Variants in RBM19 observed in about 807,000 individuals in gnomAD.
The protein encoded by RBM19 is RNA binding motif protein 19.
RBM19 carries 94 observed loss-of-function variants against 116.8 expected under a neutral mutation model. The observed-to-expected ratio is 0.80, with a 90% CI of 0.68 to 0.95. RBM19 has a LOEUF of 0.95. RBM19 is among the 40% of genes least tolerant of loss of function. RBM19 has a pLI of 0.00. For synonymous variants in RBM19, 475 were observed against 494.1 expected (o/e 0.96, Z 0.51); for missense variants, 1,161 against 1,220.7 (o/e 0.95, Z 0.73).
chr12:113,919,700 G>C (rs1048035043), intron 19 of RBM19, among the ~76,000 whole-genome samples: 7 of 152,134 alleles, frequency 4.6e-5, no homozygotes, highest in African/African-American at 1.4e-4. Flanking sequence ...TTGTACTTAG[G>C]ATCCAGCAGG....
In RBM19 at chr12:113,950,077, C is replaced by T. The variant is rs759438442; in HGVS notation, c.1072+6G>A. ...CAGAGAGAGCACATGGCCAGGGCTT[C>T]CTTACCCATGTACTCCCGGTTGCAT... On this transcript the variant is annotated splice_donor_region_variant and intron_variant, in intron 9 of 23. Coordinates refer to ENST00000261741, the MANE Select transcript of RBM19 (RefSeq NM_016196.4). 1 of 1,597,046 alleles carries T rather than the reference C, an allele frequency of 6.3e-7. No homozygotes were observed. The highest frequency in any genetic ancestry group is 2.2e-5 in the East Asian group (1 of 44,804).
At chr12:113,890,378 G>T (rs970388989) in intron 21 of RBM19, among the ~76,000 whole-genome samples, 6 of 152,126 alleles carry the variant, frequency 3.9e-5, no homozygotes, top group African/African-American at 1.4e-4. Context: ...GGGTGGGCTG[G>T]AATATTATTC....
At chr12:113,861,572 G>C (rs1358124342) in intron 21 of RBM19, among the ~76,000 whole-genome samples, 1 of 151,114 alleles carries the variant, frequency 6.6e-6, no homozygotes, top group Non-Finnish European at 1.5e-5. Flanking sequence ...AGGAGAGAAA[G>C]AGAGAGAGAG....
chr12:113,850,533 G>C (rs1877364790), intron 22 of RBM19, among the ~76,000 whole-genome samples: 1 of 152,214 alleles, frequency 6.6e-6, no homozygotes, highest in South Asian at 2.1e-4. Context: ...GGCCCAGCCT[G>C]GTGGCCTCTT....
chr12:113,852,850 G>A (rs1379198083), intron 22 of RBM19, among the ~76,000 whole-genome samples: 1 of 152,236 alleles, frequency 6.6e-6, no homozygotes, highest in Non-Finnish European at 1.5e-5. Context: ...CGTGCAGCAC[G>A]TTCCTCCTCT....
At chr12:113,959,985 C>T (rs368687413) in intron 3 of RBM19, 74 bp downstream of exon 3, 1 of 1,613,638 alleles carries the variant, frequency 6.2e-7, no homozygotes, top group Non-Finnish European at 8.5e-7. Context: ...TGGGAGGGCC[C>T]ATCTTTGGGA....
At chr12:113,927,016 T>G in intron 17 of RBM19, 38 bp downstream of exon 17, 1 of 1,592,996 alleles carries the variant, frequency 6.3e-7, no homozygotes, top group Non-Finnish European at 8.6e-7. Flanking sequence ...GGGTTTCCCA[T>G]CCCACGCCCC....
At chr12:113,909,515 C>A (rs1049368656) in intron 21 of RBM19, among the ~76,000 whole-genome samples, 3 of 152,150 alleles carry the variant, frequency 2.0e-5, no homozygotes, top group African/African-American at 7.2e-5. Flanking sequence ...TCACAAATGT[C>A]CACCTGACTC....
At chr12:113,936,874 A>G (rs1488474250) in intron 16 of RBM19, 133 bp downstream of exon 16, 16 of 1,201,024 alleles carry the variant, frequency 1.3e-5, no homozygotes, top group Non-Finnish European at 1.5e-5. Flanking sequence ...TGAGAGTCTG[A>G]GCCCTGCTGG....
At chr12:113,964,166 TTCC>T (rs1280309927) in intron 1 of RBM19, among the ~76,000 whole-genome samples, 1 of 152,220 alleles carries the variant, frequency 6.6e-6, no homozygotes, top group African/African-American at 2.4e-5. Context: ...TACTAATTAT[TTCC>T]TCAATTCAAT....
chr12:113,939,173 G>C (rs1288164879), intron 15 of RBM19, among the ~76,000 whole-genome samples: 4 of 152,126 alleles, frequency 2.6e-5, no homozygotes, highest in African/African-American at 9.7e-5. Context: ...AGGCGTGGTG[G>C]TGCATGCCTG....
chr12:113,881,830 CT>C, intron 21 of RBM19, among the ~76,000 whole-genome samples: 1 of 152,248 alleles, frequency 6.6e-6, no homozygotes, highest in East Asian at 1.9e-4. Context: ...GCAACACCAA[CT>C]CTTGGAAAGA....
intron 2 of RBM19, 43 bp from the exon 3 acceptor site, chr12:113,960,221 C>G (rs1378593532): frequency 1.9e-6 from 3 of 1,611,806 alleles, no homozygotes; most frequent in Non-Finnish European, 8.5e-7. Flanking sequence ...CCATGGCACC[C>G]AGGCGTTGGG....
intron 15 of RBM19, 112 bp downstream of exon 15, chr12:113,939,848 G>C: frequency 5.1e-6 from 6 of 1,173,616 alleles, no homozygotes; most frequent in Non-Finnish European, 7.3e-6. Context: ...GGCGGTTTAG[G>C]GTGAGCTCCC....
chr12:113,866,208 G>T (rs1302970666), intron 21 of RBM19, among the ~76,000 whole-genome samples: 1 of 152,108 alleles, frequency 6.6e-6, no homozygotes, highest in African/African-American at 2.4e-5. Context: ...GCTCATCATG[G>T]TGAGAGCCAG....
intron 21 of RBM19, among the ~76,000 whole-genome samples, chr12:113,911,058 G>A (rs111863476): frequency 6.6e-6 from 1 of 152,216 alleles, no homozygotes; most frequent in African/African-American, 2.4e-5. Context: ...TGGCGGTGGG[G>A]GGGGTGGGAA....
intron 23 of RBM19, among the ~76,000 whole-genome samples, chr12:113,826,953 T>C (rs1327451855): frequency 6.6e-6 from 1 of 152,208 alleles, no homozygotes; most frequent in Admixed American, 6.5e-5. Flanking sequence ...TCCGTGCTCC[T>C]GGGCCTGGCA....
intron 22 of RBM19, among the ~76,000 whole-genome samples, chr12:113,846,866 C>T (rs1565971918): frequency 6.6e-6 from 1 of 152,174 alleles, no homozygotes; most frequent in Non-Finnish European, 1.5e-5. Flanking sequence ...GCACATGCTG[C>T]AATGCCTCGC....
chr12:113,890,798 A>C (rs192457863), intron 21 of RBM19, among the ~76,000 whole-genome samples: 2 of 152,158 alleles, frequency 1.3e-5, no homozygotes, highest in African/African-American at 4.8e-5. Flanking sequence ...TGGAATATAT[A>C]TAATTTTTGA....
Sources: gnomAD v4.1 joint callset for allele counts (sites outside exome capture counted in the v4.1 genomes callset) on GRCh38, gnomAD v4.1.1 for gene constraint, MANE v1.5 for transcripts, NCBI Gene and HGNC (gene_info 2026-07-23, HGNC 2026-07-21) for gene names.